Variants in THSD7A observed in about 807,000 individuals in gnomAD.
THSD7A encodes the protein thrombospondin type 1 domain containing 7A.
Under a neutral mutation model 231.3 loss-of-function variants are expected in THSD7A, and 96 were observed. The observed-to-expected ratio is 0.41, with a 90% CI of 0.35 to 0.49. The LOEUF (loss-of-function observed/expected upper bound fraction) is 0.49, where lower values mean the gene tolerates loss of function less well. Among genes scored for constraint, THSD7A ranks in the 20% least tolerant of loss-of-function variants. THSD7A has a pLI of 0.05. For missense variants in THSD7A, 2,290 were observed against 2,070.2 expected, an observed-to-expected ratio of 1.11 and a Z score of -2.06; for synonymous variants, 940 against 743.3, an observed-to-expected ratio of 1.26 and a Z score of -4.30.
intron 1 of THSD7A, among the ~76,000 whole-genome samples, chr7:11,693,788 G>A (rs917585665): frequency 9.2e-5 from 14 of 151,470 alleles, no homozygotes; most frequent in Non-Finnish European, 1.8e-4. Context: ...CATGTACCAT[G>A]ACATATGGTA....
chr7:11,734,615 T>C (rs1272312376), intron 1 of THSD7A, among the ~76,000 whole-genome samples: 2 of 151,972 alleles, frequency 1.3e-5, no homozygotes. Context: ...CAAACACCTG[T>C]AGTATTCTTT....
chr7:11,783,700 G>A (rs1389689116), intron 1 of THSD7A, among the ~76,000 whole-genome samples: 1 of 152,002 alleles, frequency 6.6e-6, no homozygotes, highest in African/African-American at 2.4e-5. Flanking sequence ...TGAGCTAGAG[G>A]GGATATAGAT....
At chr7:11,659,427 T>C (rs1782838954) in intron 1 of THSD7A, among the ~76,000 whole-genome samples, 2 of 151,580 alleles carry the variant, frequency 1.3e-5, no homozygotes, top group Admixed American at 6.6e-5. Flanking sequence ...TCTACGACGT[T>C]CTGACCTGTA....
chr7:11,529,188 A>G (rs910879452), intron 6 of THSD7A, among the ~76,000 whole-genome samples: 1 of 152,184 alleles, frequency 6.6e-6, no homozygotes, highest in East Asian at 1.9e-4. Context: ...TATTCAAAAG[A>G]TATTAGCTCA....
At chr7:11,808,386 G>A (rs1157359536) in intron 1 of THSD7A, among the ~76,000 whole-genome samples, 1 of 152,112 alleles carries the variant, frequency 6.6e-6, no homozygotes, top group Non-Finnish European at 1.5e-5. Flanking sequence ...CACCTTCAGA[G>A]AGTGCAGCCC....
intron 4 of THSD7A, among the ~76,000 whole-genome samples, chr7:11,549,685 C>T (rs1301678848): frequency 6.6e-6 from 1 of 152,010 alleles, no homozygotes; most frequent in African/African-American, 2.4e-5. Flanking sequence ...GAAAAGAAAA[C>T]CAATTACTTC....
intron 2 of THSD7A, among the ~76,000 whole-genome samples, chr7:11,614,315 G>C (rs942649475): frequency 5.9e-5 from 9 of 152,200 alleles, no homozygotes; most frequent in African/African-American, 2.2e-4. Flanking sequence ...TAACTTGAAA[G>C]CTGAGGCAGC....
At chr7:11,753,002 G>A (rs576014717) in intron 1 of THSD7A, among the ~76,000 whole-genome samples, 26 of 152,114 alleles carry the variant, frequency 1.7e-4, no homozygotes, top group African/African-American at 6.3e-4. Flanking sequence ...TCAATTTTGT[G>A]TAAATCTGAA....
chr7:11,392,535 T>G (rs796093426), intron 23 of THSD7A, among the ~76,000 whole-genome samples: 2 of 146,922 alleles, frequency 1.4e-5, no homozygotes, highest in Middle Eastern at 3.3e-3. Flanking sequence ...AGGACCGAAC[T>G]ATTCACTCCC....
At chr7:11,749,303 G>A (rs1177889827) in intron 1 of THSD7A, among the ~76,000 whole-genome samples, 1 of 151,838 alleles carries the variant, frequency 6.6e-6, no homozygotes, top group Non-Finnish European at 1.5e-5. Context: ...AACCTCAAAT[G>A]CCTTGTACAT....
chr7:11,419,481 G>A (rs1040064080), intron 16 of THSD7A, among the ~76,000 whole-genome samples: 1 of 152,104 alleles, frequency 6.6e-6, no homozygotes, highest in African/African-American at 2.4e-5. Context: ...CCCAGAAAGA[G>A]AAGCCTATAC....
At chr7:11,678,297 GA>G in intron 1 of THSD7A, among the ~76,000 whole-genome samples, 2 of 152,118 alleles carry the variant, frequency 1.3e-5, no homozygotes, top group South Asian at 4.2e-4. Flanking sequence ...AGAGAATCAA[GA>G]GCAAACAAAT....
At chr7:11,479,110 C>A (rs1786319348) in intron 7 of THSD7A, among the ~76,000 whole-genome samples, 1 of 152,102 alleles carries the variant, frequency 6.6e-6, no homozygotes, top group African/African-American at 2.4e-5. Flanking sequence ...GGACAAATTG[C>A]CCTGTAGAGT....
At chr7:11,753,301 G>C (rs1018704124) in intron 1 of THSD7A, among the ~76,000 whole-genome samples, 5 of 152,042 alleles carry the variant, frequency 3.3e-5, no homozygotes, top group Non-Finnish European at 7.4e-5. Context: ...ATGTTTTGCA[G>C]TGTTGTAGTT....
Position 11,454,165 on chromosome 7 carries a change from A to G in THSD7A, c.2605+6497T>C, listed in dbSNP as rs373654357. On this transcript the variant is annotated intron_variant, in intron 11 of 27. Coordinates refer to ENST00000423059, the MANE Select transcript of THSD7A (RefSeq NM_015204.3). ...ATTTCTCTTTTATTGACAATTTTAT[A>G]GGGAAGATGCCTATTTCAAAGATCC... is the stretch of plus-strand genomic sequence containing the variant. 2.8e-4 allele frequency among the ~76,000 whole-genome samples: 42 copies of G among 152,122 alleles called. No individual in the cohort carries two copies. The East Asian group carries it at 5.6e-3, about 20-fold the overall frequency.
intron 1 of THSD7A, among the ~76,000 whole-genome samples, chr7:11,677,255 C>T (rs567698695): frequency 1.3e-5 from 2 of 152,148 alleles, no homozygotes; most frequent in South Asian, 2.1e-4. Flanking sequence ...CTTACAAGGG[C>T]TCCTGAAGGA....
intron 27 of THSD7A, 139 bp downstream of exon 27, chr7:11,376,431 A>T: frequency 1.5e-6 from 1 of 685,868 alleles, no homozygotes; most frequent in East Asian, 2.8e-5. Context: ...CTTTTAGCCC[A>T]TCTAGGACTA....
chr7:11,397,970 A>G (rs1226275566), intron 23 of THSD7A, among the ~76,000 whole-genome samples: 4 of 152,210 alleles, frequency 2.6e-5, no homozygotes, highest in African/African-American at 7.2e-5. Flanking sequence ...AATTAGTTCA[A>G]CCATTGTGGA....
Position 11,372,959 on chromosome 7 carries a change from G to T in THSD7A, c.*2835C>A, listed in dbSNP as rs545007951. Reference sequence around the variant, plus strand: ...CTCCTCTTTCCACCTTTCTAACGAGGTTATCCAGTATTTATTTATCCTAAC... The same window carrying T: ...CTCCTCTTTCCACCTTTCTAACGAGTTTATCCAGTATTTATTTATCCTAAC... On this transcript the variant is annotated 3_prime_UTR_variant, in exon 28 of 28. Coordinates refer to ENST00000423059, the MANE Select transcript of THSD7A (RefSeq NM_015204.3). 1.3e-5 allele frequency: 2 copies of T among 151,686 alleles called. No homozygotes were observed. The highest frequency in any genetic ancestry group is 4.8e-5 in the African/African-American group (2 of 41,376). 9.4% of individuals were successfully genotyped at this position (151,686 alleles called of 1,614,324 possible). A position where few individuals can be genotyped will look rare whatever the true frequency, so the allele number is the denominator to read the frequency against.
Sources: allele counts gnomAD v4.1 joint callset (sites outside exome capture counted in the v4.1 genomes callset), GRCh38; gene constraint gnomAD v4.1.1; transcripts MANE v1.5; gene names NCBI Gene and HGNC (gene_info 2026-07-23, HGNC 2026-07-21).